Variants in ABHD4 observed in about 807,000 individuals in gnomAD.
ABHD4 encodes the protein abhydrolase domain containing 4, N-acyl phospholipase B, also known as (Lyso)-N-acylphosphatidylethanolamine lipase.
ABHD4 carries 35 observed loss-of-function variants against 42.3 expected under a neutral mutation model. The ratio of observed to expected loss-of-function variants is 0.83; its 90% CI spans 0.63 to 1.10. The LOEUF (loss-of-function observed/expected upper bound fraction) is 1.10. Ranked by LOEUF, ABHD4 falls within the 50% of genes least tolerant of loss-of-function variation. ABHD4 has a pLI of 0.00. For missense variants in ABHD4, 389 were observed against 454.8 expected (o/e 0.86, Z 1.32); for synonymous variants, 169 against 170.6 (o/e 0.99, Z 0.07).
intron 4 of ABHD4, among the ~76,000 whole-genome samples, chr14:22,605,263 T>A (rs902401282): frequency 1.6e-4 from 25 of 152,266 alleles, no homozygotes; most frequent in African/African-American, 6.0e-4. Context: ...TTTACTCTGA[T>A]GAAGTGCAAA....
intron 5 of ABHD4, 104 bp from the exon 6 acceptor site, chr14:22,609,620 T>G: frequency 7.7e-7 from 1 of 1,290,592 alleles, no homozygotes; most frequent in Non-Finnish European, 1.1e-6. Context: ...GTGTGGGGCT[T>G]TGACAGGAAT....
At chr14:22,603,355 C>G in intron 2 of ABHD4, 35 bp from the exon 3 acceptor site, 1 of 1,613,186 alleles carries the variant, frequency 6.2e-7, no homozygotes. Flanking sequence ...TCAGGAAACA[C>G]TTATTGACTT....
intron 2 of ABHD4, 139 bp downstream of exon 2, chr14:22,601,894 T>G: frequency 2.7e-6 from 2 of 730,032 alleles, no homozygotes; most frequent in South Asian, 3.4e-5. Context: ...ATGTCAGTTG[T>G]GTGAGGGAAG....
intron 1 of ABHD4, chr14:22,600,180 C>T (rs2139261147): frequency 2.2e-6 from 1 of 455,998 alleles, no homozygotes; most frequent in South Asian, 1.5e-5. Context: ...AATGTGCCCA[C>T]AGTCACATTG....
intron 1 of ABHD4, among the ~76,000 whole-genome samples, chr14:22,599,103 G>A (rs947239017): frequency 2.0e-5 from 3 of 152,140 alleles, no homozygotes; most frequent in Non-Finnish European, 4.4e-5. Flanking sequence ...GGCCTTTCCT[G>A]GACCCAGTAA....
At chr14:22,610,401 C>A (rs185043144) in intron 6 of ABHD4, among the ~76,000 whole-genome samples, 1 of 152,288 alleles carries the variant, frequency 6.6e-6, no homozygotes, top group Non-Finnish European at 1.5e-5. Flanking sequence ...GTCTAGCAGC[C>A]AGGCACCTGC....
intron 4 of ABHD4, among the ~76,000 whole-genome samples, 194 bp from the exon 5 acceptor site, chr14:22,606,228 T>C (rs2037347613): frequency 6.6e-6 from 1 of 152,240 alleles, no homozygotes; most frequent in Non-Finnish European, 1.5e-5. Flanking sequence ...GAGCTGACTT[T>C]GTGATTTGAA....
rs528263386 is a variant in ABHD4, at chr14:22,603,574, C to T, written c.297C>T (p.Thr99=). 10 of 1,614,202 alleles carry T rather than the reference C, an allele frequency of 6.2e-6. No individual in the cohort carries two copies. The highest frequency in any genetic ancestry group is 8.5e-6 in the Non-Finnish European group (10 of 1,180,042). The change falls in exon 3 of 7, where the codon ACC becomes ACT. Residue 99 remains threonine (T), a synonymous_variant. Coordinates refer to ENST00000428304, the MANE Select transcript of ABHD4 (RefSeq NM_022060.3). ...DSLSARRTLH[T]FDLLGFGRSS... is the part of the protein sequence containing the mutation. ...TGAGTGCCCGCCGCACACTGCACACCTTCGATCTGCTTGGCTTCGGGCGAA... is the reference window on the plus strand; with the variant it reads ...TGAGTGCCCGCCGCACACTGCACACTTTCGATCTGCTTGGCTTCGGGCGAA...
chr14:22,599,646 A>ATG (rs1280321903), intron 1 of ABHD4, among the ~76,000 whole-genome samples: 1 of 152,238 alleles, frequency 6.6e-6, no homozygotes, highest in African/African-American at 2.4e-5. Context: ...TGAGCAGTCT[A>ATG]TGATGCTGTT....
Position 22,609,856 on chromosome 14 carries a change from C to T in ABHD4, c.885C>T (p.Thr295=). The part of the protein sequence containing the change: ...MIYGSDTWID[T]STGKKVKMQR... The stretch of plus-strand genomic sequence containing the variant: ...ACGGGTCCGACACCTGGATAGATAC[C>T]AGTACGGGAAAAAAGGTGAAGATGC... The change falls in exon 6 of 7, where the codon ACC becomes ACT. Residue 295 remains threonine (T), a synonymous_variant. Coordinates refer to ENST00000428304, the MANE Select transcript of ABHD4 (RefSeq NM_022060.3). 1 of 1,613,924 alleles carries T rather than the reference C, an allele frequency of 6.2e-7. No homozygotes were observed. Among genetic ancestry groups the T allele is most frequent in the Non-Finnish European group, 8.5e-7 (1 of 1,179,964 alleles).
chr14:22,598,468 T>C, intron 1 of ABHD4, 139 bp downstream of exon 1: 2 of 1,412,734 alleles, frequency 1.4e-6, no homozygotes, highest in Non-Finnish European at 1.9e-6. Flanking sequence ...GGGCGGGGGG[T>C]GGGTGCGTTG....
chr14:22,600,790 T>C (rs1350242135), intron 1 of ABHD4, among the ~76,000 whole-genome samples: 2 of 151,930 alleles, frequency 1.3e-5, no homozygotes, highest in Non-Finnish European at 2.9e-5. Flanking sequence ...AAAACCATTC[T>C]GCTCATCAAT....
At chr14:22,601,895 G>A (rs1340939142) in intron 2 of ABHD4, 140 bp downstream of exon 2, 1 of 725,664 alleles carries the variant, frequency 1.4e-6, no homozygotes, top group East Asian at 2.7e-5. Flanking sequence ...TGTCAGTTGT[G>A]TGAGGGAAGA....
At position 22,603,588 on chromosome 14, in the gene ABHD4, G is replaced by A; in HGVS notation, c.311G>A (p.Gly104Asp). The change falls in exon 3 of 7, where the codon GGC becomes GAC. Residue 104 changes from glycine to aspartate, a missense_variant. Gly to Asp is a moderately conservative substitution (Grantham distance 94, BLOSUM62 -1). Transcript: ENST00000428304. ...ACACTGCACACCTTCGATCTGCTTG[G>A]CTTCGGGCGAAGCTCAAGGCCAGCA... ...RRTLHTFDLL[G>D]FGRSSRPAFP... 6.2e-7 allele frequency: 1 copy of A among 1,614,154 alleles called. No homozygotes were observed. The highest frequency in any genetic ancestry group is 8.5e-7 in the Non-Finnish European group (1 of 1,180,038).
chr14:22,601,514 G>T (rs556993993), intron 1 of ABHD4, among the ~76,000 whole-genome samples, 153 bp from the exon 2 acceptor site: 1 of 152,326 alleles, frequency 6.6e-6, no homozygotes, highest in African/African-American at 2.4e-5. Context: ...CTATCAGGTA[G>T]CTAGGGAACT....
intron 5 of ABHD4, among the ~76,000 whole-genome samples, chr14:22,609,331 AT>A (rs1380203150): frequency 6.6e-6 from 1 of 152,158 alleles, no homozygotes; most frequent in African/African-American, 2.4e-5. Flanking sequence ...AATTAATCAT[AT>A]GATTAGTTAC....
At position 22,606,536 on chromosome 14, in the gene ABHD4, G is replaced by A. The variant is rs769464613; in HGVS notation, c.752+3G>A. ...CACTGCAACGCACAGAATCCCAGGT[G>A]AGGGCCGCTCCCCAGGCCAGCTTGG... On this transcript the variant is annotated splice_donor_region_variant and intron_variant, in intron 5 of 6. Coordinates refer to ENST00000428304, the MANE Select transcript of ABHD4 (RefSeq NM_022060.3). 1.3e-5 allele frequency: 21 copies of A among 1,604,184 alleles called. No individual in the cohort carries two copies. The highest frequency in any genetic ancestry group is 3.3e-4 in the Middle Eastern group (2 of 6,028).
intron 2 of ABHD4, among the ~76,000 whole-genome samples, 161 bp downstream of exon 2, chr14:22,601,916 G>A (rs1331589952): frequency 6.6e-6 from 1 of 152,178 alleles, no homozygotes; most frequent in Admixed American, 6.5e-5. Flanking sequence ...GGTGCATACA[G>A]ACGGCACCAT....
intron 1 of ABHD4, chr14:22,598,556 G>A (rs1283048719): frequency 4.7e-5 from 62 of 1,308,094 alleles, no homozygotes; most frequent in Non-Finnish European, 6.0e-5. Flanking sequence ...GCAGCCCGGG[G>A]ATCCTGGCTT....
Sources: allele counts gnomAD v4.1 joint callset (sites outside exome capture counted in the v4.1 genomes callset), GRCh38; gene constraint gnomAD v4.1.1; transcripts MANE v1.5; gene names NCBI Gene and HGNC (gene_info 2026-07-23, HGNC 2026-07-21).